GAS5: variants seen among roughly 807,000 people sequenced by gnomAD.
GAS5 encodes growth arrest specific 5 (non-protein coding).
At position 173,864,859 on chromosome 1, in the gene GAS5, A is replaced by G. The variant is rs373426029; in HGVS notation, n.277-555T>C. 6.3e-4 allele frequency: 327 copies of G among 519,192 alleles called. 1 individual carries two copies. The highest frequency in any genetic ancestry group is 5.5e-3 in the African/African-American group (289 of 52,086). 32.2% of individuals were successfully genotyped at this position (519,192 alleles called of 1,614,324 possible). On this transcript the variant is annotated intron_variant and non_coding_transcript_variant, in intron 6 of 7. Transcript: ENST00000651080. ...ATCAGATAGGAGCGAAAGACTTAATATTGCTCATCAGCGTTAGTCTGCTGA... is the reference window on the plus strand; with the variant it reads ...ATCAGATAGGAGCGAAAGACTTAATGTTGCTCATCAGCGTTAGTCTGCTGA...
intron 6 of GAS5, chr1:173,864,833 C>T (rs755089863): frequency 5.8e-6 from 3 of 519,018 alleles, no homozygotes; most frequent in South Asian, 4.2e-5. Context: ...CCGCCAGATA[C>T]ATCAGATAGG....
chr1:173,866,559 C>G (rs1654691558), exon 3 of GAS5: 1 of 750,686 alleles, frequency 1.3e-6, no homozygotes, highest in Non-Finnish European at 2.4e-6. Context: ...TAGGCTTGCT[C>G]TTTAGGACCT....
intron 6 of GAS5, chr1:173,865,194 T>TAA (rs528813679): frequency 0.011 from 3,366 of 294,928 alleles, 51 homozygotes; most frequent in African/African-American, 0.047. Context: ...GACTCTTGTC[T>TAA]AAAAAAAAAA....
intron 1 of GAS5, chr1:173,866,988 T>C (rs1654815812): frequency 1.3e-6 from 1 of 765,466 alleles, no homozygotes; most frequent in South Asian, 1.3e-5. Flanking sequence ...CCCCAATTCT[T>C]ACCTGTCCAT....
At position 173,866,320 on chromosome 1, in the gene GAS5, TAC is replaced by T. The variant is rs756932465; in HGVS notation, n.132-116_132-115del. 622 of 519,798 alleles carry T rather than the reference TAC, an allele frequency of 1.2e-3. 5 individuals are homozygous for T. The East Asian group carries it at 0.024, about 20-fold the overall frequency. 32.2% of individuals were successfully genotyped at this position (519,798 alleles called of 1,614,324 possible). The stretch of plus-strand genomic sequence containing the variant: ...TACCCCAGATACATCAGACAGATAG[TAC>T]ATCTCTTCATGATTAAATCTGCTGA... On this transcript the variant is annotated intron_variant and non_coding_transcript_variant, in intron 3 of 7. Transcript: ENST00000651080.
chr1:173,867,041 T>C (rs1197491267), exon 1 of GAS5: 4 of 734,104 alleles, frequency 5.4e-6, no homozygotes, highest in East Asian at 2.4e-5. Context: ...CCCAGCACCA[T>C]ACCTAAAGAG....
At chr1:173,867,922 G>A (rs1572036221), upstream of GAS5, 5 of 364,352 alleles carry the variant, frequency 1.4e-5, no homozygotes, top group East Asian at 2.2e-4. Context: ...AGGCTGGAGC[G>A]CCCCAAAACC....
intron 4 of GAS5, chr1:173,865,911 G>A (rs1466200256): frequency 1.9e-6 from 1 of 519,026 alleles, no homozygotes. Flanking sequence ...AATAAGAGTG[G>A]TCTTAGAATA....
chr1:173,867,249 T>G, upstream of GAS5: 1 of 521,464 alleles, frequency 1.9e-6, no homozygotes, highest in East Asian at 3.1e-5. Flanking sequence ...CCGGGCGCGG[T>G]GGCTCACGGC....
At chr1:173,868,968 A>T (rs1048036635), upstream of GAS5, 1 of 152,676 alleles carries the variant, frequency 6.5e-6, no homozygotes, top group African/African-American at 2.4e-5. Context: ...ACTTTCCTCC[A>T]GGGGCTTCCT....
At chr1:173,863,905 T>C (rs533335489) in intron 7 of GAS5, 17 of 261,556 alleles carry the variant, frequency 6.5e-5, no homozygotes, top group South Asian at 3.4e-4. Flanking sequence ...TCCAGATGGA[T>C]TGCAAAAATT....
intron 3 of GAS5, chr1:173,866,238 AAT>A: frequency 2.1e-6 from 1 of 486,376 alleles, no homozygotes; most frequent in Non-Finnish European, 4.1e-6. Flanking sequence ...GTCAGCAAAA[AAT>A]ATTTTAATGG....
chr1:173,865,109 G>C, intron 6 of GAS5: 1 of 342,088 alleles, frequency 2.9e-6, no homozygotes, highest in South Asian at 2.3e-5. Context: ...TGAGGCAGGA[G>C]AATTCCTTGA....
At chr1:173,865,322 G>C in intron 6 of GAS5, 1 of 483,236 alleles carries the variant, frequency 2.1e-6, no homozygotes, top group Admixed American at 2.2e-5. Flanking sequence ...GGTAGTAATA[G>C]GTGGATTTCT....
rs532660612 is a variant in GAS5, at chr1:173,866,778, TC to T, written n.73del. On this transcript the variant is annotated non_coding_transcript_exon_variant, in exon 2 of 8. Coordinates refer to ENST00000651080, the Ensembl canonical transcript of GAS5. The stretch of plus-strand genomic sequence containing the variant: ...CAACTTACTTCAGTAGCTATTCTCA[TC>T]CTTCCTTGGGGACACAACTAGAAAA... 4,756 of 765,340 alleles carry T rather than the reference TC, an allele frequency of 6.2e-3. 27 individuals are homozygous for T. The highest frequency in any genetic ancestry group is 9.0e-3 in the Admixed American group (534 of 59,020). The allele number at this position is 765,340 out of a possible 1,614,324, so 47.4% of individuals were successfully genotyped here. A position where few individuals can be genotyped will look rare whatever the true frequency, so the allele number is the denominator to read the frequency against.
chr1:173,865,983 A>C (rs773314679), intron 4 of GAS5: 23 of 519,100 alleles, frequency 4.4e-5, no homozygotes, highest in Non-Finnish European at 8.1e-5. Context: ...GTTAGAGCTA[A>C]TTAAGACCTT....
intron 3 of GAS5, chr1:173,866,367 ATC>A (rs748320283): frequency 9.8e-5 from 52 of 531,038 alleles, no homozygotes; most frequent in African/African-American, 3.8e-4. Flanking sequence ...CCATCATAGT[ATC>A]TGTTTTCACA....
At chr1:173,865,656 C>G (rs1473111301) in intron 5 of GAS5, 1 of 519,130 alleles carries the variant, frequency 1.9e-6, no homozygotes, top group East Asian at 5.4e-5. Context: ...ATGCTCATTT[C>G]AGGTCAGACA....
At chr1:173,865,480 G>T (rs776631868) in exon 6 of GAS5, 1 of 507,200 alleles carries the variant, frequency 2.0e-6, no homozygotes, top group Admixed American at 2.0e-5. Flanking sequence ...CCTTTAAAAG[G>T]TATGACAGGA....
Sources: allele counts gnomAD v4.1 joint callset, GRCh38; gene constraint gnomAD v4.1.1; transcripts MANE v1.5; gene names NCBI Gene and HGNC (gene_info 2026-07-23, HGNC 2026-07-21).